SAMD12: variants seen among roughly 807,000 people sequenced by gnomAD.
SAMD12 encodes the protein sterile alpha motif domain-containing protein 12.
Under a neutral mutation model 15.0 loss-of-function variants are expected in SAMD12, and 9 were observed. The ratio of observed to expected loss-of-function variants is 0.60; its 90% CI spans 0.36 to 1.05. The LOEUF is 1.05. Ranked by LOEUF, SAMD12 falls within the 50% of genes least tolerant of loss-of-function variation. The pLI is 0.01. For missense variants in SAMD12, 230 were observed against 234.2 expected (o/e 0.98, Z 0.12); for synonymous variants, 86 against 90.1 (o/e 0.96, Z 0.25).
At chr8:118,455,094 C>T (rs1360630057) in intron 2 of SAMD12, among the ~76,000 whole-genome samples, 1 of 152,164 alleles carries the variant, frequency 6.6e-6, no homozygotes, top group Non-Finnish European at 1.5e-5. Flanking sequence ...AGCTGGCTTC[C>T]TTCCTCATCC....
chr8:118,493,789 A>C (rs1172009591), intron 2 of SAMD12, among the ~76,000 whole-genome samples: 1 of 152,152 alleles, frequency 6.6e-6, no homozygotes, highest in African/African-American at 2.4e-5. Flanking sequence ...CCAAGGAGGA[A>C]GGACTGAAAT....
rs188269005 is a variant in SAMD12, at chr8:118,304,531, G to A, written c.433+75029C>T. Among the ~76,000 whole-genome samples, 7 of 152,144 alleles carry A rather than the reference G, an allele frequency of 4.6e-5. No individual in the cohort carries two copies. The East Asian group carries it at 7.7e-4, about 17-fold the overall frequency. On this transcript the variant is annotated intron_variant, in intron 4 of 4. Transcript: ENST00000409003. ...ATCGCAGCACTTTGGAGGCTGAGCC[G>A]GGTGGATCATGAGGTCAGGAGATCG...
At chr8:118,320,311 T>C (rs139550074) in intron 4 of SAMD12, among the ~76,000 whole-genome samples, 83 of 152,238 alleles carry the variant, frequency 5.5e-4, no homozygotes, top group African/African-American at 2.0e-3. Flanking sequence ...TGGACGACTC[T>C]AGAAATCTAG....
intron 1 of SAMD12, among the ~76,000 whole-genome samples, chr8:118,608,728 T>G (rs1285080852): frequency 1.3e-5 from 2 of 152,072 alleles, no homozygotes; most frequent in African/African-American, 2.4e-5. Flanking sequence ...GGTCTCACAC[T>G]CCAGACCTCA....
At chr8:118,477,077 T>C (rs1823981638) in intron 2 of SAMD12, among the ~76,000 whole-genome samples, 1 of 151,904 alleles carries the variant, frequency 6.6e-6, no homozygotes, top group Non-Finnish European at 1.5e-5. Context: ...TTTCTTTTTT[T>C]TTTTTTGAGT....
intron 4 of SAMD12, among the ~76,000 whole-genome samples, chr8:118,313,535 T>G (rs1303839249): frequency 6.6e-6 from 1 of 152,064 alleles, no homozygotes; most frequent in African/African-American, 2.4e-5. Context: ...TCAAGAAGTA[T>G]GTGGAAATTA....
chr8:118,366,175 A>G (rs1818759329), intron 4 of SAMD12, among the ~76,000 whole-genome samples: 1 of 152,170 alleles, frequency 6.6e-6, no homozygotes, highest in Non-Finnish European at 1.5e-5. Context: ...GCAATTTTAT[A>G]TGTGTTTGAT....
intron 2 of SAMD12, among the ~76,000 whole-genome samples, chr8:118,531,864 C>G (rs1277053877): frequency 6.6e-6 from 1 of 152,180 alleles, no homozygotes; most frequent in Non-Finnish European, 1.5e-5. Flanking sequence ...ACAATCATGT[C>G]AACTGCAAAC....
intron 3 of SAMD12, among the ~76,000 whole-genome samples, chr8:118,436,049 CAG>C (rs1238445403): frequency 6.6e-6 from 1 of 152,216 alleles, no homozygotes; most frequent in Non-Finnish European, 1.5e-5. Context: ...CTACAACTCA[CAG>C]AGTTATAAAA....
chr8:118,416,365 T>G (rs1821690198), intron 3 of SAMD12, among the ~76,000 whole-genome samples: 1 of 152,194 alleles, frequency 6.6e-6, no homozygotes, highest in African/African-American at 2.4e-5. Flanking sequence ...AACTCTTTTT[T>G]TCAGGGCATA....
the SAMD12 span, among the ~76,000 whole-genome samples, chr8:118,154,252 C>T: frequency 3.3e-4 from 50 of 152,234 alleles, no homozygotes; most frequent in East Asian, 3.9e-3. Flanking sequence ...AGCGTCATTT[C>T]GTTTCACCCC....
At chr8:118,168,104 T>G in the SAMD12 span, among the ~76,000 whole-genome samples, 1 of 152,232 alleles carries the variant, frequency 6.6e-6, no homozygotes, top group Non-Finnish European at 1.5e-5. Flanking sequence ...TTTCTGCTTT[T>G]GCTTCCTCCT....
intron 2 of SAMD12, among the ~76,000 whole-genome samples, chr8:118,542,602 A>AAG (rs1826017434): frequency 6.6e-6 from 1 of 152,246 alleles, no homozygotes; most frequent in Non-Finnish European, 1.5e-5. Context: ...TTCCAGAACC[A>AAG]AGAAACTAGA....
At chr8:118,375,073 T>C (rs952712388), downstream of SAMD12, among the ~76,000 whole-genome samples, 3 of 152,116 alleles carry the variant, frequency 2.0e-5, no homozygotes, top group Non-Finnish European at 4.4e-5. Flanking sequence ...AGATACCATA[T>C]GGCTGCAAAG....
intron 2 of SAMD12, among the ~76,000 whole-genome samples, chr8:118,549,845 A>T (rs550373029): frequency 1.2e-4 from 18 of 152,360 alleles, no homozygotes; most frequent in African/African-American, 4.3e-4. Context: ...GAACTGATGG[A>T]GCTGAAAGCC....
chr8:118,459,314 C>T (rs1236879254), intron 2 of SAMD12, among the ~76,000 whole-genome samples: 1 of 152,116 alleles, frequency 6.6e-6, no homozygotes, highest in African/African-American at 2.4e-5. Context: ...GATCTGCCCG[C>T]CTCAGCCTCC....
At chr8:118,210,234 T>G (rs1277516725) in intron 4 of SAMD12, among the ~76,000 whole-genome samples, 2 of 152,222 alleles carry the variant, frequency 1.3e-5, no homozygotes. Flanking sequence ...ATTATTACTT[T>G]TAAGCCTCGT....
the SAMD12 span, among the ~76,000 whole-genome samples, chr8:118,171,261 C>T: frequency 6.6e-6 from 1 of 152,204 alleles, no homozygotes; most frequent in Non-Finnish European, 1.5e-5. Flanking sequence ...GGAAAACACT[C>T]TGAGAGGTCC....
intron 2 of SAMD12, among the ~76,000 whole-genome samples, chr8:118,485,530 C>G (rs10282895): frequency 0.11 from 16,683 of 152,170 alleles, 1,312 homozygotes; most frequent in African/African-American, 0.22. Context: ...TTTCTATAAA[C>G]TTCATTCTGG....
Sources: gnomAD v4.1 joint callset for allele counts (sites outside exome capture counted in the v4.1 genomes callset) on GRCh38, gnomAD v4.1.1 for gene constraint, MANE v1.5 for transcripts, NCBI Gene and HGNC (gene_info 2026-07-23, HGNC 2026-07-21) for gene names.